The following MCTP1 variants were observed in gnomAD, a reference collection of about 807,000 sequenced individuals.
MCTP1 encodes multiple C2 and transmembrane domain containing 1.
MCTP1 carries 69 observed loss-of-function variants against 120.6 expected under a neutral mutation model. That is an observed-to-expected ratio of 0.57 (90% confidence interval 0.47 to 0.70). MCTP1 has a LOEUF of 0.70. Ranked by LOEUF, MCTP1 falls within the 30% of genes least tolerant of loss-of-function variation. The pLI, the probability that MCTP1 is intolerant of heterozygous loss-of-function variation, is 0.00. For missense variants in MCTP1, 1,203 were observed against 1,248.8 expected (o/e 0.96, Z 0.55); for synonymous variants, 529 against 493.1 (o/e 1.07, Z -0.96).
chr5:94,770,875 C>T (rs973826623), intron 19 of MCTP1, among the ~76,000 whole-genome samples: 1 of 152,112 alleles, frequency 6.6e-6, no homozygotes, highest in Non-Finnish European at 1.5e-5. Flanking sequence ...GATTCCTCAC[C>T]GTGCCTAATC....
At chr5:94,943,658 G>A (rs543288405) in intron 3 of MCTP1, among the ~76,000 whole-genome samples, 3 of 152,180 alleles carry the variant, frequency 2.0e-5, no homozygotes, top group Non-Finnish European at 2.9e-5. Flanking sequence ...GGAGACAGAC[G>A]TTAAACAAGG....
At chr5:95,172,749 G>A (rs1394542225) in intron 1 of MCTP1, among the ~76,000 whole-genome samples, 4 of 152,086 alleles carry the variant, frequency 2.6e-5, no homozygotes, top group Non-Finnish European at 5.9e-5. Context: ...GAGAACTATG[G>A]TATCTCTTGT....
chr5:94,717,697 A>G (rs886231972), intron 19 of MCTP1, among the ~76,000 whole-genome samples: 1 of 152,198 alleles, frequency 6.6e-6, no homozygotes, highest in Non-Finnish European at 1.5e-5. Flanking sequence ...TCAATGTGCA[A>G]AAATTTCTAG....
At chr5:95,088,918 T>C (rs1278288154) in intron 1 of MCTP1, among the ~76,000 whole-genome samples, 9 of 152,192 alleles carry the variant, frequency 5.9e-5, no homozygotes, top group Non-Finnish European at 1.0e-4. Flanking sequence ...TATCAGTCCC[T>C]GTGAAACTCC....
chr5:94,986,985 A>C (rs200448737), intron 2 of MCTP1, among the ~76,000 whole-genome samples: 1 of 152,138 alleles, frequency 6.6e-6, no homozygotes, highest in Non-Finnish European at 1.5e-5. Context: ...GTATACTTCA[A>C]ATCATCTCTA....
intron 11 of MCTP1, among the ~76,000 whole-genome samples, chr5:94,892,573 T>C (rs1802922164): frequency 6.6e-6 from 1 of 152,142 alleles, no homozygotes; most frequent in Non-Finnish European, 1.5e-5. Context: ...AAAAAATGGC[T>C]CACAGAGCGA....
intron 1 of MCTP1, among the ~76,000 whole-genome samples, chr5:95,107,956 AG>A (rs1200442654): frequency 6.6e-6 from 1 of 152,170 alleles, no homozygotes; most frequent in Non-Finnish European, 1.5e-5. Context: ...CCCATCACCT[AG>A]GTATTAAGCC....
intron 5 of MCTP1, among the ~76,000 whole-genome samples, chr5:94,937,151 C>T (rs2153493510): frequency 6.6e-6 from 1 of 152,150 alleles, no homozygotes; most frequent in East Asian, 1.9e-4. Context: ...AAGAAAGAAG[C>T]CACAAGAGAG....
At chr5:95,232,930 T>C (rs1755126835) in intron 1 of MCTP1, among the ~76,000 whole-genome samples, 2 of 152,194 alleles carry the variant, frequency 1.3e-5, no homozygotes, top group South Asian at 4.1e-4. Context: ...CCTAAATATT[T>C]ATGAGTCTAA....
chr5:95,118,709 C>T (rs568624173), intron 1 of MCTP1, among the ~76,000 whole-genome samples: 1 of 151,836 alleles, frequency 6.6e-6, no homozygotes, highest in African/African-American at 2.4e-5. Context: ...CCAATGGAAA[C>T]AAAAAAGAGC....
chr5:95,100,129 G>T (rs1480775059), intron 1 of MCTP1, among the ~76,000 whole-genome samples: 2 of 127,186 alleles, frequency 1.6e-5, no homozygotes, highest in Admixed American at 8.7e-5. Context: ...GTTGTGGGGT[G>T]GGGGGAGGGG....
chr5:95,264,576 G>A (rs1181188285), intron 1 of MCTP1, among the ~76,000 whole-genome samples: 1 of 152,142 alleles, frequency 6.6e-6, no homozygotes, highest in African/African-American at 2.4e-5. Context: ...CCTGCCCACA[G>A]CAATTTGATT....
At chr5:95,013,785 G>A (rs1439315105) in intron 2 of MCTP1, among the ~76,000 whole-genome samples, 2 of 152,090 alleles carry the variant, frequency 1.3e-5, no homozygotes, top group African/African-American at 4.8e-5. Flanking sequence ...ATTGTTTTCA[G>A]TCCTGTTAAC....
intron 1 of MCTP1, among the ~76,000 whole-genome samples, chr5:95,215,645 CT>C (rs1424219679): frequency 1.3e-5 from 2 of 151,912 alleles, no homozygotes; most frequent in African/African-American, 2.4e-5. Context: ...AGCCTTTCTG[CT>C]TTTTTTCTCT....
At chr5:95,261,186 T>TA (rs1039199494) in intron 1 of MCTP1, among the ~76,000 whole-genome samples, 1 of 152,168 alleles carries the variant, frequency 6.6e-6, no homozygotes, top group African/African-American at 2.4e-5. Context: ...ATCAGACAAA[T>TA]AAACTGTTGG....
intron 4 of MCTP1, among the ~76,000 whole-genome samples, chr5:94,941,282 C>G (rs574997087): frequency 2.6e-5 from 4 of 151,972 alleles, no homozygotes; most frequent in Non-Finnish European, 4.4e-5. Flanking sequence ...CCATGCAACA[C>G]CACTTAGGGC....
intron 2 of MCTP1, among the ~76,000 whole-genome samples, chr5:94,972,210 G>T (rs1430188790): frequency 6.6e-6 from 1 of 152,080 alleles, no homozygotes. Context: ...CCAGGCCCCA[G>T]AACTCTGGCT....
intron 1 of MCTP1, among the ~76,000 whole-genome samples, chr5:95,102,681 T>C (rs953972082): frequency 2.6e-5 from 4 of 151,848 alleles, no homozygotes; most frequent in Non-Finnish European, 4.4e-5. Context: ...TACAAGGTAT[T>C]GTAACAATCC....
chr5:95,018,377 T>C (rs998017255), intron 1 of MCTP1, among the ~76,000 whole-genome samples: 1 of 152,066 alleles, frequency 6.6e-6, no homozygotes, highest in African/African-American at 2.4e-5. Context: ...TATGCATGGA[T>C]GAGGTAAAAT....
Sources: gnomAD v4.1 joint callset for allele counts (sites outside exome capture counted in the v4.1 genomes callset) on GRCh38, gnomAD v4.1.1 for gene constraint, MANE v1.5 for transcripts, NCBI Gene and HGNC (gene_info 2026-07-23, HGNC 2026-07-21) for gene names.